The following ARHGAP17 variants were observed in gnomAD, a reference collection of about 807,000 sequenced individuals.
The protein encoded by ARHGAP17 is rho GTPase-activating protein 17.
ARHGAP17 carries 57 observed loss-of-function variants against 99.5 expected under a neutral mutation model. The ratio of observed to expected loss-of-function variants is 0.57; its 90% CI spans 0.46 to 0.71. The LOEUF (loss-of-function observed/expected upper bound fraction) is 0.71. Among genes scored for constraint, ARHGAP17 ranks in the 30% least tolerant of loss-of-function variants. The pLI is 0.00. For synonymous variants in ARHGAP17, 417 were observed against 429.6 expected (o/e 0.97, Z 0.36); for missense variants, 1,000 against 1,122.4 (o/e 0.89, Z 1.56).
intron 19 of ARHGAP17, among the ~76,000 whole-genome samples, chr16:24,928,487 A>G (rs2050898271): frequency 6.6e-6 from 1 of 152,390 alleles, no homozygotes; most frequent in Non-Finnish European, 1.5e-5. Flanking sequence ...TAACAATGGT[A>G]TTAAAAAATA....
chr16:24,976,179 C>T (rs1179587680), intron 3 of ARHGAP17, among the ~76,000 whole-genome samples: 7 of 152,166 alleles, frequency 4.6e-5, no homozygotes, highest in Non-Finnish European at 7.4e-5. Context: ...TGCAATGGAA[C>T]GCGCTTTCAA....
chr16:24,997,267 A>G (rs1264808018), intron 1 of ARHGAP17, among the ~76,000 whole-genome samples: 1 of 151,832 alleles, frequency 6.6e-6, no homozygotes, highest in African/African-American at 2.4e-5. Flanking sequence ...CAAGGCGCCC[A>G]GTACACACCC....
At chr16:24,992,074 A>T (rs4787296) in intron 1 of ARHGAP17, among the ~76,000 whole-genome samples, 75,659 of 151,966 alleles carry the variant, frequency 0.5, 20,417 homozygotes, top group African/African-American at 0.72. Flanking sequence ...GAGTGTGTAC[A>T]TAGTAGGGTA....
intron 9 of ARHGAP17, 73 bp downstream of exon 9, chr16:24,959,598 C>T (rs2051920607): frequency 3.5e-6 from 5 of 1,449,026 alleles, no homozygotes; most frequent in Non-Finnish European, 4.8e-6. Flanking sequence ...GCAGAGGAGT[C>T]AGGGTGAAGA....
At chr16:24,997,960 A>G (rs2053245373) in intron 1 of ARHGAP17, among the ~76,000 whole-genome samples, 1 of 152,128 alleles carries the variant, frequency 6.6e-6, no homozygotes, top group Admixed American at 6.5e-5. Context: ...ACCAGCAGCA[A>G]ACACGGATCT....
At chr16:24,969,980 T>C (rs1434016157) in intron 4 of ARHGAP17, among the ~76,000 whole-genome samples, 1 of 151,492 alleles carries the variant, frequency 6.6e-6, no homozygotes, top group African/African-American at 2.4e-5. Context: ...GACAGAAGGG[T>C]ATACCTTCCC....
At chr16:24,968,526 T>C (rs768913688) in intron 5 of ARHGAP17, 99 bp from the exon 6 acceptor site, 3 of 1,532,320 alleles carry the variant, frequency 2.0e-6, no homozygotes, top group Non-Finnish European at 2.7e-6. Flanking sequence ...CAAAGGATTT[T>C]GTACCTTCAA....
chr16:24,952,173 T>C, intron 12 of ARHGAP17, 116 bp downstream of exon 12: 1 of 694,460 alleles, frequency 1.4e-6, no homozygotes, highest in South Asian at 2.2e-5. Context: ...ACATGTATTA[T>C]TTAACAAATA....
In ARHGAP17 at chr16:24,968,442, A is replaced by G; in HGVS notation, c.385-15T>C. On this transcript the variant is annotated splice_polypyrimidine_tract_variant and intron_variant, in intron 5 of 19. Transcript: ENST00000289968. ...GGAATCTCCACCTAAAAATAAGAAC[A>G]TACCAAATGGGATGCACTTCAGGGC... is the stretch of plus-strand genomic sequence containing the variant. 4 of 1,614,014 alleles carry G rather than the reference A, an allele frequency of 2.5e-6. No individual in the cohort carries two copies. The highest frequency in any genetic ancestry group is 2.2e-5 in the East Asian group (1 of 44,888).
intron 19 of ARHGAP17, 149 bp downstream of exon 19, chr16:24,930,635 A>G: frequency 7.4e-7 from 1 of 1,351,244 alleles, no homozygotes; most frequent in Non-Finnish European, 1.1e-6. Flanking sequence ...TAAAACTTTA[A>G]TGACAAAAAC....
chr16:24,954,530 C>A, intron 10 of ARHGAP17, 73 bp downstream of exon 10: 2 of 1,537,070 alleles, frequency 1.3e-6, no homozygotes, highest in South Asian at 1.3e-5. Context: ...AGGGGGCTGG[C>A]GGGGAGCATG....
At position 24,970,541 on chromosome 16, in the gene ARHGAP17, C is replaced by G; in HGVS notation, c.238G>C (p.Glu80Gln). The G allele has an allele frequency of 6.2e-7, 1 of 1,614,218 alleles. No individual in the cohort carries two copies. Among genetic ancestry groups the G allele is most frequent in the Non-Finnish European group, 8.5e-7 (1 of 1,180,026 alleles). ...GAGTCTTCCAGCTGAGTCGATGCTT[C>G]TTGCATATTTTGAGCAAGAGCTGTC... ...PLTALAQNMQ[E>Q]ASTQLEDSLL... The change falls in exon 4 of 20, where the codon GAA (glutamate) becomes CAA (glutamine). Residue 80 changes from glutamate (E) to glutamine (Q), a missense_variant. By Grantham distance (29) the Glu-to-Gln change is conservative. This residue lies in a region of ARHGAP17 where 472 missense variants were observed against 611.1 expected (regional missense o/e 0.77). Coordinates refer to ENST00000289968, the MANE Select transcript of ARHGAP17 (RefSeq NM_001006634.3).
At chr16:24,939,720 G>A in intron 16 of ARHGAP17, 123 bp from the exon 17 acceptor site, 1 of 1,067,252 alleles carries the variant, frequency 9.4e-7, no homozygotes, top group Non-Finnish European at 1.4e-6. Flanking sequence ...GGCATGCAGT[G>A]AAGCGGCAAG....
chr16:24,929,949 AG>A lies in ARHGAP17; in HGVS notation c.2515+834del, dbSNP rs566090341. 1.6e-3 allele frequency among the ~76,000 whole-genome samples: 248 copies of A among 152,328 alleles called. 1 individual carries two copies. Among genetic ancestry groups the A allele is most frequent in the African/African-American group, 5.7e-3 (238 of 41,570 alleles). On this transcript the variant is annotated intron_variant, in intron 19 of 19. Transcript: ENST00000289968. ...GCCTCCACTTAGAACAATTTAAACT[AG>A]GCTGCTGTAAGAAATTATTTGAGGC...
intron 1 of ARHGAP17, among the ~76,000 whole-genome samples, chr16:24,980,270 T>C (rs2052637876): frequency 6.6e-6 from 1 of 152,164 alleles, no homozygotes; most frequent in Admixed American, 6.5e-5. Flanking sequence ...AGTCTACACT[T>C]AAGGCAATGG....
rs753419457 is a variant in ARHGAP17, at chr16:24,923,449, A to T, written c.2516-3189T>A. 1.2e-4 allele frequency among the ~76,000 whole-genome samples: 18 copies of T among 152,218 alleles called. 1 individual carries two copies. Among genetic ancestry groups the T allele is most frequent in the Admixed American group, 2.6e-4 (4 of 15,282 alleles). ...TGAGCATATGCTTGGAGCTAAGTTC[A>T]TACAAAAGATATTGTATTTAAAAAA... On this transcript the variant is annotated intron_variant, in intron 19 of 19. Coordinates refer to ENST00000289968, the MANE Select transcript of ARHGAP17 (RefSeq NM_001006634.3).
chr16:24,964,428 T>G, intron 6 of ARHGAP17, 120 bp from the exon 7 acceptor site: 1 of 696,402 alleles, frequency 1.4e-6, no homozygotes, highest in Non-Finnish European at 2.5e-6. Flanking sequence ...AGGGGTATCA[T>G]TGCCCAGGAT....
At chr16:24,946,518 G>A (rs2051477749) in intron 14 of ARHGAP17, among the ~76,000 whole-genome samples, 1 of 150,550 alleles carries the variant, frequency 6.6e-6, no homozygotes, top group Admixed American at 6.7e-5. Flanking sequence ...CTTGATAAAG[G>A]GGGCAGAATA....
chr16:24,987,778 G>A (rs1420465323), intron 1 of ARHGAP17, among the ~76,000 whole-genome samples: 2 of 152,150 alleles, frequency 1.3e-5, no homozygotes, highest in Non-Finnish European at 2.9e-5. Flanking sequence ...CACACTGACT[G>A]ATACGTCAAT....
Sources: allele counts gnomAD v4.1 joint callset (sites outside exome capture counted in the v4.1 genomes callset), GRCh38; gene constraint gnomAD v4.1.1; regional missense constraint gnomAD v4.1.1; transcripts MANE v1.5; gene names NCBI Gene and HGNC (gene_info 2026-07-23, HGNC 2026-07-21).